The following SH3BP5 variants were observed in gnomAD, a reference collection of about 807,000 sequenced individuals.
SH3BP5 encodes SH3 domain binding protein 5.
Under a neutral mutation model 43.3 loss-of-function variants are expected in SH3BP5, and 22 were observed. The observed-to-expected ratio is 0.51, with a 90% CI of 0.36 to 0.73. The LOEUF (loss-of-function observed/expected upper bound fraction) is 0.73. Among genes scored for constraint, SH3BP5 ranks in the 30% least tolerant of loss-of-function variants. The probability of loss-of-function intolerance (pLI) is 0.00; values close to 1 mark genes in which losing one functional copy is unlikely to be tolerated. For synonymous variants in SH3BP5, 255 were observed against 225.8 expected, an observed-to-expected ratio of 1.13 and a Z score of -1.16; for missense variants, 529 against 586.9, an observed-to-expected ratio of 0.90 and a Z score of 1.02.
At chr3:15,272,153 GA>G (rs1476893761) in intron 3 of SH3BP5, among the ~76,000 whole-genome samples, 2 of 152,206 alleles carry the variant, frequency 1.3e-5, no homozygotes, top group African/African-American at 4.8e-5. Context: ...GAAGGTTAAA[GA>G]AGGGGGAACA....
At chr3:15,313,357 G>A (rs1439005896) in intron 2 of SH3BP5, among the ~76,000 whole-genome samples, 3 of 152,208 alleles carry the variant, frequency 2.0e-5, no homozygotes, top group Non-Finnish European at 4.4e-5. Flanking sequence ...GGCGGCAGCA[G>A]CAGAATAACT....
chr3:15,332,264 GC>G lies in SH3BP5; in HGVS notation c.138+6del. On this transcript the variant is annotated splice_donor_region_variant and intron_variant, in intron 1 of 8. Transcript: ENST00000383791. Reference sequence around the variant, plus strand: ...GCCCGGATGCGGGGCGACCCCGCGCGCCCTACCTGGATCCGGGGATCCACCT... The same window carrying G: ...GCCCGGATGCGGGGCGACCCCGCGCGCCTACCTGGATCCGGGGATCCACCT... 1 of 1,551,418 alleles carries G rather than the reference GC, an allele frequency of 6.4e-7. No homozygotes were observed.
chr3:15,313,439 T>C (rs2729682), intron 2 of SH3BP5, among the ~76,000 whole-genome samples: 50,137 of 152,140 alleles, frequency 0.33, 8,734 homozygotes, highest in Non-Finnish European at 0.4. Flanking sequence ...AATTCTATGA[T>C]AAAAGGCACT....
rs536682875 is a variant in SH3BP5, at chr3:15,286,784, G to A, written c.331-16907C>T. 1.2e-4 allele frequency among the ~76,000 whole-genome samples: 19 copies of A among 152,300 alleles called. No homozygotes were observed. The South Asian group carries it at 3.3e-3, about 27-fold the overall frequency. On this transcript the variant is annotated intron_variant, in intron 3 of 8. Coordinates refer to ENST00000383791, the MANE Select transcript of SH3BP5 (RefSeq NM_004844.5). ...TGGTCTTGAACTCCTAGGCTCAAGC[G>A]ATCCACCCGCCTCAGCTTCCCAAAG...
At chr3:15,277,344 G>A (rs1697000506) in intron 3 of SH3BP5, among the ~76,000 whole-genome samples, 1 of 152,192 alleles carries the variant, frequency 6.6e-6, no homozygotes, top group Admixed American at 6.5e-5. Flanking sequence ...AGTCAAGGCA[G>A]CGCAGCCTTA....
rs75813182 is a variant in SH3BP5 at position 15,296,305 on chromosome 3, A to C, written c.330+7798T>G. Among the ~76,000 whole-genome samples the C allele has an allele frequency of 2.2e-4, 34 of 151,606 alleles. No homozygotes were observed. In the East Asian group the frequency reaches 6.4e-3, roughly 29 times the overall value. On this transcript the variant is annotated intron_variant, in intron 3 of 8. Coordinates refer to ENST00000383791, the MANE Select transcript of SH3BP5 (RefSeq NM_004844.5). ...TCCCCTGACCTGCTATAATCCTCCC[A>C]CAGTCTCACTCCATACCTCAAATGG...
chr3:15,269,646 C>G (rs895866786), intron 4 of SH3BP5, 67 bp downstream of exon 4: 70 of 1,460,218 alleles, frequency 4.8e-5, no homozygotes, highest in Admixed American at 1.2e-4. Flanking sequence ...TCTGTTACCT[C>G]CGCTCAGGGG....
Position 15,332,584 on chromosome 3 carries a change from G to A in SH3BP5, c.-176C>T, listed in dbSNP as rs571405274. Reference sequence around the variant, plus strand: ...GGATACCTCCGGCCGCGGCGGAGCAGAGGAAATGGGCGCGGCCGCCCCCTT... The same window carrying A: ...GGATACCTCCGGCCGCGGCGGAGCAAAGGAAATGGGCGCGGCCGCCCCCTT... On this transcript the variant is annotated 5_prime_UTR_variant, in exon 1 of 9. Coordinates refer to ENST00000383791, the MANE Select transcript of SH3BP5 (RefSeq NM_004844.5). 2 of 1,207,594 alleles carry A rather than the reference G, an allele frequency of 1.7e-6. No individual in the cohort carries two copies. Among genetic ancestry groups the A allele is most frequent in the South Asian group, 3.9e-5 (1 of 25,452 alleles). 74.8% of individuals were successfully genotyped at this position (1,207,594 alleles called of 1,614,324 possible).
chr3:15,311,802 T>C (rs1009919382), intron 2 of SH3BP5, among the ~76,000 whole-genome samples: 2 of 152,022 alleles, frequency 1.3e-5, no homozygotes, highest in East Asian at 1.9e-4. Flanking sequence ...GCCTCCCAAG[T>C]AGCCGGGACT....
chr3:15,314,487 A>G (rs914880045), intron 2 of SH3BP5, among the ~76,000 whole-genome samples: 3 of 152,198 alleles, frequency 2.0e-5, no homozygotes, highest in Non-Finnish European at 4.4e-5. Flanking sequence ...ATAGAAGCAC[A>G]AAGAGTACAC....
Position 15,309,913 on chromosome 3 carries a change from C to CA in SH3BP5, c.202-5683_202-5682insT, listed in dbSNP as rs201530228. 1.1e-3 allele frequency among the ~76,000 whole-genome samples: 168 copies of CA among 151,058 alleles called. 1 individual carries two copies. The highest frequency in any genetic ancestry group is 3.4e-3 in the Middle Eastern group (1 of 294). ...GCCAGTCTTCCCCGCTCCACCCCCC[C>CA]CCCATAAGAAAAAGCCCACCCAGTT... On this transcript the variant is annotated intron_variant, in intron 2 of 8. Coordinates refer to ENST00000383791, the MANE Select transcript of SH3BP5 (RefSeq NM_004844.5).
At chr3:15,286,258 G>A (rs931573359) in intron 3 of SH3BP5, among the ~76,000 whole-genome samples, 1 of 152,208 alleles carries the variant, frequency 6.6e-6, no homozygotes, top group African/African-American at 2.4e-5. Flanking sequence ...CAGGGTAGCA[G>A]CTCCGCCCCT....
intron 3 of SH3BP5, among the ~76,000 whole-genome samples, chr3:15,276,225 A>G (rs1211397219): frequency 9.2e-5 from 14 of 152,080 alleles, no homozygotes; most frequent in Admixed American, 9.2e-4. Context: ...GTTGCCCACA[A>G]TGGCTCTTGG....
intron 3 of SH3BP5, among the ~76,000 whole-genome samples, chr3:15,292,176 T>C (rs934295337): frequency 1.3e-5 from 2 of 152,204 alleles, no homozygotes; most frequent in Non-Finnish European, 2.9e-5. Context: ...GCAATCACTT[T>C]ACTGAAAGCA....
chr3:15,315,825 T>C (rs1698171116), intron 2 of SH3BP5, among the ~76,000 whole-genome samples: 1 of 152,310 alleles, frequency 6.6e-6, no homozygotes, highest in African/African-American at 2.4e-5. Context: ...TTTAACTTTT[T>C]AGTTTAAAAT....
At chr3:15,288,307 G>T (rs2125089766) in intron 3 of SH3BP5, among the ~76,000 whole-genome samples, 1 of 152,260 alleles carries the variant, frequency 6.6e-6, no homozygotes, top group African/African-American at 2.4e-5. Context: ...CCACATATCT[G>T]GACACTGCAG....
chr3:15,323,448 T>C (rs73146097), intron 2 of SH3BP5, among the ~76,000 whole-genome samples: 3,191 of 152,232 alleles, frequency 0.021, 108 homozygotes, highest in African/African-American at 0.072. Context: ...GTCTCAGCCC[T>C]CCCTGCCAGC....
At chr3:15,315,604 T>G (rs1698165812) in intron 2 of SH3BP5, among the ~76,000 whole-genome samples, 1 of 152,214 alleles carries the variant, frequency 6.6e-6, no homozygotes, top group Admixed American at 6.5e-5. Context: ...TGGACCCTTT[T>G]AAGGCCTAAG....
At chr3:15,316,196 G>A (rs969361955) in intron 2 of SH3BP5, among the ~76,000 whole-genome samples, 4 of 141,202 alleles carry the variant, frequency 2.8e-5, no homozygotes, top group African/African-American at 5.2e-5. Context: ...TTATTTTGTA[G>A]AATGTTATTT....
Sources: allele counts gnomAD v4.1 joint callset (sites outside exome capture counted in the v4.1 genomes callset), GRCh38; gene constraint gnomAD v4.1.1; transcripts MANE v1.5; gene names NCBI Gene and HGNC (gene_info 2026-07-23, HGNC 2026-07-21).